UBE2V2: variants seen among roughly 807,000 people sequenced by gnomAD.
UBE2V2 encodes ubiquitin-conjugating enzyme E2 variant 2.
A neutral mutation model predicts 17.2 loss-of-function variants in UBE2V2; 9 were observed. The observed-to-expected ratio is 0.52, with a 90% confidence interval of 0.32 to 0.91. The LOEUF (loss-of-function observed/expected upper bound fraction) is 0.91, where lower values mean the gene tolerates loss of function less well. Among genes scored for constraint, UBE2V2 ranks in the 40% least tolerant of loss-of-function variants. The pLI is 0.04. For synonymous variants in UBE2V2, 61 were observed against 57.5 expected (o/e 1.06, Z -0.28); for missense variants, 133 against 182.6 (o/e 0.73, Z 1.56).
At chr8:48,035,490 C>T (rs2091416405) in intron 1 of UBE2V2, among the ~76,000 whole-genome samples, 1 of 151,868 alleles carries the variant, frequency 6.6e-6, no homozygotes, top group Non-Finnish European at 1.5e-5. Context: ...GAGGGGTGTG[C>T]CTGGGCCTGG....
intron 1 of UBE2V2, among the ~76,000 whole-genome samples, chr8:48,013,320 T>G (rs903205530): frequency 6.6e-6 from 1 of 151,742 alleles, no homozygotes; most frequent in African/African-American, 2.4e-5. Flanking sequence ...CTTTTTTTTT[T>G]TTTTTGAGAT....
At chr8:48,021,592 C>T (rs2091306255) in intron 1 of UBE2V2, among the ~76,000 whole-genome samples, 1 of 152,132 alleles carries the variant, frequency 6.6e-6, no homozygotes, top group Non-Finnish European at 1.5e-5. Flanking sequence ...AAGCGTGAGC[C>T]ACTGCGCCCG....
intron 1 of UBE2V2, among the ~76,000 whole-genome samples, chr8:48,032,009 A>G (rs753487073): frequency 3.3e-5 from 5 of 152,186 alleles, no homozygotes; most frequent in Non-Finnish European, 7.3e-5. Flanking sequence ...TCCGAAGTGG[A>G]TATATGTGTT....
upstream of UBE2V2, chr8:48,008,345 C>G: frequency 1.5e-6 from 2 of 1,375,512 alleles, no homozygotes; most frequent in South Asian, 1.6e-5. Flanking sequence ...TCGCCCCGCG[C>G]CCGCCGGGGG....
At chr8:48,047,518 T>C (rs1589863896) in intron 2 of UBE2V2, among the ~76,000 whole-genome samples, 1 of 152,194 alleles carries the variant, frequency 6.6e-6, no homozygotes, top group East Asian at 1.9e-4. Context: ...TTTTTTTTGC[T>C]CTTGCTTTTT....
chr8:48,055,419 T>TGTATCTCC (rs2091565299), intron 3 of UBE2V2, among the ~76,000 whole-genome samples: 2 of 152,112 alleles, frequency 1.3e-5, no homozygotes, highest in Admixed American at 6.6e-5. Flanking sequence ...CAGGCTGGTC[T>TGTATCTCC]TGAACTCCTG....
intron 1 of UBE2V2, among the ~76,000 whole-genome samples, chr8:48,037,090 AATC>A (rs1260032979): frequency 6.6e-6 from 1 of 152,210 alleles, no homozygotes; most frequent in Non-Finnish European, 1.5e-5. Flanking sequence ...GAGGCAGGAG[AATC>A]ACTTGAACCC....
intron 1 of UBE2V2, among the ~76,000 whole-genome samples, chr8:48,038,849 T>A (rs770342310): frequency 6.6e-6 from 1 of 151,946 alleles, no homozygotes; most frequent in Non-Finnish European, 1.5e-5. Context: ...GGTGTTGAAC[T>A]CAAGTGATTT....
At chr8:48,050,691 A>G (rs542656024) in intron 3 of UBE2V2, among the ~76,000 whole-genome samples, 285 of 150,920 alleles carry the variant, frequency 1.9e-3, no homozygotes, top group African/African-American at 6.7e-3. Flanking sequence ...TCCGTCTCAA[A>G]AAAAAAAAAA....
At chr8:48,033,343 C>G (rs956619173) in intron 1 of UBE2V2, among the ~76,000 whole-genome samples, 2 of 151,786 alleles carry the variant, frequency 1.3e-5, no homozygotes, top group Non-Finnish European at 2.9e-5. Flanking sequence ...TTCACCACCA[C>G]GCTGGCTAAT....
intron 1 of UBE2V2, among the ~76,000 whole-genome samples, chr8:48,035,631 T>TTG (rs201716659): frequency 0.091 from 9,927 of 109,396 alleles, 703 homozygotes; most frequent in Non-Finnish European, 0.11. Context: ...TTTTTTTTTT[T>TTG]TGTGTGTGTG....
At chr8:48,008,591 G>T in intron 1 of UBE2V2, 121 bp downstream of exon 1, 9 of 1,392,392 alleles carry the variant, frequency 6.5e-6, no homozygotes, top group Non-Finnish European at 8.5e-6. Context: ...CTCGAATGCC[G>T]CGCTCTCCGC....
At chr8:48,036,916 A>T (rs1018674042) in intron 1 of UBE2V2, among the ~76,000 whole-genome samples, 1 of 151,806 alleles carries the variant, frequency 6.6e-6, no homozygotes, top group Non-Finnish European at 1.5e-5. Context: ...GCGGTGGCTC[A>T]CGCCTGTAAT....
chr8:48,012,725 A>T (rs1380466018), intron 1 of UBE2V2, among the ~76,000 whole-genome samples: 1 of 152,150 alleles, frequency 6.6e-6, no homozygotes, highest in Non-Finnish European at 1.5e-5. Context: ...TCTCAGAAAA[A>T]AAAAGAAAAA....
At chr8:48,036,463 T>C (rs1326281218) in intron 1 of UBE2V2, among the ~76,000 whole-genome samples, 1 of 151,466 alleles carries the variant, frequency 6.6e-6, no homozygotes, top group African/African-American at 2.4e-5. Flanking sequence ...AGACAGAGTC[T>C]CACTCTGTCA....
At chr8:48,007,288 G>C (rs527820035), upstream of UBE2V2, among the ~76,000 whole-genome samples, 25 of 152,158 alleles carry the variant, frequency 1.6e-4, no homozygotes, top group South Asian at 5.2e-3. Flanking sequence ...AGAAATAAAG[G>C]GTATTCAATT....
chr8:48,012,667 G>C (rs1020385730), intron 1 of UBE2V2, among the ~76,000 whole-genome samples: 2 of 151,680 alleles, frequency 1.3e-5, no homozygotes, highest in African/African-American at 4.8e-5. Flanking sequence ...GTGGTGAGCC[G>C]AGAGCACGCC....
intron 1 of UBE2V2, among the ~76,000 whole-genome samples, chr8:48,010,342 C>A (rs531034555): frequency 1.3e-5 from 2 of 149,992 alleles, no homozygotes; most frequent in African/African-American, 2.5e-5. Flanking sequence ...GTGATCCACC[C>A]GCCTCAGCCT....
At chr8:48,047,473 C>T (rs529405815) in intron 2 of UBE2V2, among the ~76,000 whole-genome samples, 4 of 152,104 alleles carry the variant, frequency 2.6e-5, no homozygotes, top group African/African-American at 9.6e-5. Context: ...TACCTGAGTA[C>T]TTGACTTAGT....
Sources: allele counts gnomAD v4.1 joint callset (sites outside exome capture counted in the v4.1 genomes callset), GRCh38; gene constraint gnomAD v4.1.1; transcripts MANE v1.5; gene names NCBI Gene and HGNC (gene_info 2026-07-23, HGNC 2026-07-21).